Variants in PDIA5 observed in about 807,000 individuals in gnomAD.
PDIA5 encodes protein disulfide isomerase family A member 5, also known as protein disulfide-isomerase A5.
In PDIA5, 58 loss-of-function variants were observed where a neutral mutation model predicts 77.6. That is an observed-to-expected ratio of 0.75 (90% CI 0.61 to 0.93). The LOEUF is 0.93. PDIA5 is among the 40% of genes least tolerant of loss of function. The pLI, the probability that PDIA5 is intolerant of heterozygous loss-of-function variation, is 0.00. For missense variants in PDIA5, 630 were observed against 647.7 expected (o/e 0.97, Z 0.30); for synonymous variants, 250 against 252.1 (o/e 0.99, Z 0.08).
intron 1 of PDIA5, among the ~76,000 whole-genome samples, chr3:123,068,592 T>A (rs1933642823): frequency 6.6e-6 from 1 of 152,234 alleles, no homozygotes; most frequent in Admixed American, 6.5e-5. Flanking sequence ...GCACTTGGGC[T>A]GAGTAGGAGG....
At chr3:123,106,471 T>C (rs1934735801) in intron 5 of PDIA5, among the ~76,000 whole-genome samples, 1 of 152,218 alleles carries the variant, frequency 6.6e-6, no homozygotes, top group South Asian at 2.1e-4. Flanking sequence ...TCCTTGAAGA[T>C]GCATAGTAGG....
intron 11 of PDIA5, among the ~76,000 whole-genome samples, chr3:123,138,935 TC>T (rs949126151): frequency 6.6e-6 from 1 of 152,164 alleles, no homozygotes; most frequent in African/African-American, 2.4e-5. Flanking sequence ...GGTTCCAGCA[TC>T]CAGGAAAGCC....
At chr3:123,119,365 A>G (rs1343631866) in intron 8 of PDIA5, among the ~76,000 whole-genome samples, 1 of 152,224 alleles carries the variant, frequency 6.6e-6, no homozygotes, top group Non-Finnish European at 1.5e-5. Context: ...TTGTCTGCAA[A>G]GCTGGGCAAG....
At chr3:123,068,742 A>C (rs1468825269) in intron 1 of PDIA5, among the ~76,000 whole-genome samples, 13 of 152,226 alleles carry the variant, frequency 8.5e-5, no homozygotes, top group Admixed American at 8.5e-4. Flanking sequence ...TTTTGGGCGG[A>C]GAGCAAAACA....
At chr3:123,151,088 G>A (rs1205915953) in intron 14 of PDIA5, among the ~76,000 whole-genome samples, 1 of 152,200 alleles carries the variant, frequency 6.6e-6, no homozygotes, top group African/African-American at 2.4e-5. Context: ...CTGCTCAGTT[G>A]TAGCTGGCCC....
intron 13 of PDIA5, among the ~76,000 whole-genome samples, chr3:123,149,640 A>G (rs1369966506): frequency 2.0e-5 from 3 of 152,100 alleles, no homozygotes; most frequent in Non-Finnish European, 4.4e-5. Context: ...CTCAGTAAAT[A>G]TTAGTTCCTT....
chr3:123,122,422 G>A (rs1256067552), intron 8 of PDIA5, among the ~76,000 whole-genome samples: 1 of 152,060 alleles, frequency 6.6e-6, no homozygotes, highest in African/African-American at 2.4e-5. Flanking sequence ...TGTATTATTT[G>A]CTGCATCCTA....
chr3:123,089,430 T>A (rs1669763916), intron 2 of PDIA5, 136 bp downstream of exon 2: 2 of 781,860 alleles, frequency 2.6e-6, no homozygotes, highest in Admixed American at 2.3e-5. Context: ...TCACCTTTCC[T>A]CAGAAGACAG....
At chr3:123,126,497 A>C (rs532045942) in intron 10 of PDIA5, among the ~76,000 whole-genome samples, 1 of 152,282 alleles carries the variant, frequency 6.6e-6, no homozygotes, top group Non-Finnish European at 1.5e-5. Flanking sequence ...AAAACCTAAA[A>C]GTGTGGTTAA....
At chr3:123,130,750 A>G (rs1002091600) in intron 11 of PDIA5, 134 bp downstream of exon 11, 8 of 989,188 alleles carry the variant, frequency 8.1e-6, no homozygotes, top group African/African-American at 3.2e-5. Flanking sequence ...CAGGGGATGC[A>G]GTGGTGACAG....
chr3:123,118,429 C>A (rs1935041455), intron 8 of PDIA5, among the ~76,000 whole-genome samples: 1 of 152,162 alleles, frequency 6.6e-6, no homozygotes, highest in South Asian at 2.1e-4. Flanking sequence ...GGAAGGTAAG[C>A]AGCTCAGCCC....
At chr3:123,093,777 C>T (rs541581827) in intron 3 of PDIA5, among the ~76,000 whole-genome samples, 5 of 152,306 alleles carry the variant, frequency 3.3e-5, no homozygotes, top group African/African-American at 1.2e-4. Flanking sequence ...AAAGCCCCTC[C>T]ATTCTTCCTG....
chr3:123,067,148 T>G lies in PDIA5; in HGVS notation c.-17T>G. The G allele has an allele frequency of 8.0e-7, 1 of 1,245,576 alleles. No homozygotes were observed. Among genetic ancestry groups the G allele is most frequent in the Admixed American group, 4.2e-5 (1 of 23,738 alleles). The allele number at this position is 1,245,576 out of a possible 1,614,324, so 77.2% of individuals were successfully genotyped here. ...CCGGAGTGGAGAAAGGAGCCAGCGGTGGGCAGCGCTGCTGGGATGGCGCGG... is the reference window on the plus strand; with the variant it reads ...CCGGAGTGGAGAAAGGAGCCAGCGGGGGGCAGCGCTGCTGGGATGGCGCGG... On this transcript the variant is annotated 5_prime_UTR_variant, in exon 1 of 17. Transcript: ENST00000316218.
At chr3:123,121,332 C>T (rs56819039) in intron 8 of PDIA5, among the ~76,000 whole-genome samples, 2,380 of 151,810 alleles carry the variant, frequency 0.016, 61 homozygotes, top group African/African-American at 0.052. Flanking sequence ...GAGCATGTCA[C>T]GCCAGCTGAG....
rs750794143 is a variant in PDIA5 at position 123,145,489 on chromosome 3, A to G, written c.911-33A>G. On this transcript the variant is annotated intron_variant, in intron 11 of 16. Coordinates refer to ENST00000316218, the MANE Select transcript of PDIA5 (RefSeq NM_006810.4). ...GGAGCATCCCGAGGGCCTCTGTGCC[A>G]TAAGAATGGTTTCTCTTGATCTCTC... The G allele has an allele frequency of 2.6e-5, 42 of 1,591,304 alleles. No individual in the cohort carries two copies. The East Asian group carries it at 5.4e-4, about 20-fold the overall frequency.
intron 1 of PDIA5, among the ~76,000 whole-genome samples, chr3:123,085,110 C>T (rs1460943672): frequency 6.6e-6 from 1 of 152,240 alleles, no homozygotes; most frequent in Non-Finnish European, 1.5e-5. Context: ...CTCCCAAGGG[C>T]TGCTGTGGAC....
At chr3:123,160,637 G>C (rs1176623945) in intron 15 of PDIA5, among the ~76,000 whole-genome samples, 3 of 152,232 alleles carry the variant, frequency 2.0e-5, no homozygotes, top group African/African-American at 7.2e-5. Flanking sequence ...GAGCCCCTAA[G>C]TGGGGACAGA....
intron 1 of PDIA5, among the ~76,000 whole-genome samples, chr3:123,083,390 A>T (rs1299975676): frequency 6.6e-6 from 1 of 152,190 alleles, no homozygotes; most frequent in Non-Finnish European, 1.5e-5. Flanking sequence ...GCCCTGCACC[A>T]GGGAGATGCT....
chr3:123,090,453 A>G (rs952216803), intron 2 of PDIA5, among the ~76,000 whole-genome samples: 1 of 152,190 alleles, frequency 6.6e-6, no homozygotes, highest in Non-Finnish European at 1.5e-5. Context: ...GCTCATCATA[A>G]TACAGTCTCA....
Sources: gnomAD v4.1 joint callset for allele counts (sites outside exome capture counted in the v4.1 genomes callset) on GRCh38, gnomAD v4.1.1 for gene constraint, MANE v1.5 for transcripts, NCBI Gene and HGNC (gene_info 2026-07-23, HGNC 2026-07-21) for gene names.